Variants in CNTN4 observed in about 807,000 individuals in gnomAD.
CNTN4 encodes contactin 4.
In CNTN4, 77 loss-of-function variants were observed where a neutral mutation model predicts 122.5. The observed-to-expected ratio is 0.63, with a 90% CI of 0.52 to 0.76. The LOEUF (loss-of-function observed/expected upper bound fraction) is 0.76. Ranked by LOEUF, CNTN4 falls within the 30% of genes least tolerant of loss-of-function variation. The probability of loss-of-function intolerance (pLI) is 0.00; values close to 1 mark genes in which losing one functional copy is unlikely to be tolerated. For synonymous variants in CNTN4, 512 were observed against 447.0 expected (o/e 1.15, Z -1.83); for missense variants, 1,256 against 1,259.1 (o/e 1.00, Z 0.04).
rs1399002432 is a variant in CNTN4 at position 2,957,977 on chromosome 3, TGGTAGTTC to T, written c.1359-30367_1359-30360del. Among the ~76,000 whole-genome samples, 3 of 152,310 alleles carry T rather than the reference TGGTAGTTC, an allele frequency of 2.0e-5. No individual in the cohort carries two copies. In the East Asian group the frequency reaches 5.8e-4, roughly 29 times the overall value. ...TCAGTAATGGGATTCCTGGGTTGAC[TGGTAGTTC>T]TAAGAGCCACTGTGACTGGCCTTTT... On this transcript the variant is annotated intron_variant, in intron 13 of 24. Coordinates refer to ENST00000418658, the MANE Select transcript of CNTN4 (RefSeq NM_175607.3).
At chr3:2,954,970 C>T (rs2094783811) in intron 13 of CNTN4, among the ~76,000 whole-genome samples, 1 of 152,120 alleles carries the variant, frequency 6.6e-6, no homozygotes, top group Non-Finnish European at 1.5e-5. Context: ...CTGCCCCGCA[C>T]CACCCCAATC....
chr3:2,762,714 A>G (rs1187787321), intron 6 of CNTN4, among the ~76,000 whole-genome samples: 1 of 152,278 alleles, frequency 6.6e-6, no homozygotes, highest in South Asian at 2.1e-4. Context: ...GCTGGGTCGA[A>G]TGACATTTCC....
At chr3:2,723,757 G>T (rs921140746) in intron 4 of CNTN4, among the ~76,000 whole-genome samples, 3 of 152,166 alleles carry the variant, frequency 2.0e-5, no homozygotes, top group Non-Finnish European at 4.4e-5. Flanking sequence ...ATAGTGCTCA[G>T]CGTACCAGAA....
chr3:2,781,862 C>A (rs573375153), intron 6 of CNTN4, among the ~76,000 whole-genome samples: 1 of 93,036 alleles, frequency 1.1e-5, no homozygotes, highest in Non-Finnish European at 2.0e-5. Flanking sequence ...GTAGCTGGGA[C>A]TGCAGGCGCC....
intron 6 of CNTN4, among the ~76,000 whole-genome samples, chr3:2,785,114 T>TAC (rs150765167): frequency 0.063 from 8,785 of 138,512 alleles, 287 homozygotes; most frequent in Admixed American, 0.092. Context: ...TGTACATGCG[T>TAC]ACACACACAC....
chr3:2,665,832 T>G (rs1440177507), intron 4 of CNTN4, among the ~76,000 whole-genome samples: 1 of 152,198 alleles, frequency 6.6e-6, no homozygotes. Flanking sequence ...ATCCTAAAAT[T>G]TTAACACTTC....
rs1329247392 is a variant in CNTN4 at position 2,709,340 on chromosome 3, G to A, written c.56-26875G>A. On this transcript the variant is annotated intron_variant, in intron 4 of 24. Transcript: ENST00000418658. The surrounding 1 kb of genome is among the most constrained non-coding windows in gnomAD (Gnocchi z 5.0). ...TGGCTGCATATTAGAATCATCTGGG[G>A]GTCCTTAAAAAATACTGATGCGTAG... Among the ~76,000 whole-genome samples, 1 of 151,974 alleles carries A rather than the reference G, an allele frequency of 6.6e-6. No homozygotes were observed. Among genetic ancestry groups the A allele is most frequent in the South Asian group, 2.1e-4 (1 of 4,804 alleles).
At chr3:2,240,180 G>C (rs1378745064) in intron 2 of CNTN4, among the ~76,000 whole-genome samples, 2 of 152,134 alleles carry the variant, frequency 1.3e-5, no homozygotes, top group Non-Finnish European at 2.9e-5. Flanking sequence ...AGTAAGTCCT[G>C]AATGCCCTTT....
chr3:3,043,278 C>T (rs1700329136), intron 22 of CNTN4, 115 bp downstream of exon 22: 1 of 1,026,566 alleles, frequency 9.7e-7, no homozygotes, highest in Admixed American at 2.0e-5. Flanking sequence ...CATGTGGATT[C>T]AAATTTCCCT....
At chr3:2,773,187 A>G (rs967193168) in intron 6 of CNTN4, among the ~76,000 whole-genome samples, 5 of 152,136 alleles carry the variant, frequency 3.3e-5, no homozygotes, top group Non-Finnish European at 1.5e-5. Context: ...GTATACCTGA[A>G]GAAGGAAAGA....
At position 2,437,309 on chromosome 3, in the gene CNTN4, C is replaced by G. The variant is rs569219006; in HGVS notation, c.-89+98076C>G. On this transcript the variant is annotated intron_variant, in intron 3 of 24. Coordinates refer to ENST00000418658, the MANE Select transcript of CNTN4 (RefSeq NM_175607.3). ...AGAAGAAAAGTTTTTATAAAGAAACCTACTCCATTAGTGTCCCTTAAAATA... is the reference window on the plus strand; with the variant it reads ...AGAAGAAAAGTTTTTATAAAGAAACGTACTCCATTAGTGTCCCTTAAAATA... Among the ~76,000 whole-genome samples the G allele has an allele frequency of 2.5e-3, 386 of 152,116 alleles. 1 individual carries two copies. The highest frequency in any genetic ancestry group is 9.1e-3 in the African/African-American group (376 of 41,494).
At chr3:2,286,677 T>C (rs890543148) in intron 2 of CNTN4, among the ~76,000 whole-genome samples, 2 of 152,136 alleles carry the variant, frequency 1.3e-5, no homozygotes, top group Admixed American at 6.6e-5. Flanking sequence ...TCTTAGAACA[T>C]AGTGGGAGCC....
intron 11 of CNTN4, among the ~76,000 whole-genome samples, chr3:2,902,623 C>T (rs1356727853): frequency 6.6e-6 from 1 of 152,198 alleles, no homozygotes; most frequent in Non-Finnish European, 1.5e-5. Flanking sequence ...AATGGCTCCA[C>T]TATTAAATCA....
intron 7 of CNTN4, among the ~76,000 whole-genome samples, chr3:2,821,008 C>G (rs965573682): frequency 1.6e-5 from 2 of 126,556 alleles, no homozygotes; most frequent in Non-Finnish European, 3.2e-5. Context: ...GTCACCCAAT[C>G]TGGAGTGTGG....
chr3:2,898,437 A>G (rs777304534), intron 10 of CNTN4, among the ~76,000 whole-genome samples: 3 of 152,194 alleles, frequency 2.0e-5, no homozygotes, highest in African/African-American at 7.2e-5. Flanking sequence ...CTTGACCTCC[A>G]TAACCCTGTG....
intron 3 of CNTN4, among the ~76,000 whole-genome samples, chr3:2,428,054 G>A (rs933741218): frequency 2.6e-5 from 4 of 152,088 alleles, no homozygotes; most frequent in Admixed American, 2.0e-4. Context: ...TTTAATTGGA[G>A]CATTTAGCCC....
At chr3:2,466,457 G>C (rs1267125585) in intron 3 of CNTN4, among the ~76,000 whole-genome samples, 6 of 152,236 alleles carry the variant, frequency 3.9e-5, no homozygotes, top group African/African-American at 1.4e-4. Flanking sequence ...AACCAAATCT[G>C]GGATTTCAAA....
At chr3:2,330,990 C>T (rs779615862) in intron 2 of CNTN4, among the ~76,000 whole-genome samples, 10 of 152,088 alleles carry the variant, frequency 6.6e-5, no homozygotes, top group Non-Finnish European at 1.2e-4. Flanking sequence ...CAAAAATTGG[C>T]ATAATAGATG....
At chr3:2,875,063 A>C (rs113671585) in intron 8 of CNTN4, among the ~76,000 whole-genome samples, 117 of 152,108 alleles carry the variant, frequency 7.7e-4, no homozygotes, top group African/African-American at 2.8e-3. Context: ...GCTCACTGCA[A>C]CCTCTGCCTC....
Sources: gnomAD v4.1 joint callset for allele counts (sites outside exome capture counted in the v4.1 genomes callset) on GRCh38, gnomAD v4.1.1 for gene constraint, Gnocchi (gnomAD v3.1) non-coding constraint, MANE v1.5 for transcripts, NCBI Gene and HGNC (gene_info 2026-07-23, HGNC 2026-07-21) for gene names.